KIAA0319L: variants seen among roughly 807,000 people sequenced by gnomAD.
The protein encoded by KIAA0319L is KIAA0319 like.
Under a neutral mutation model 120.1 loss-of-function variants are expected in KIAA0319L, and 55 were observed. That is an observed-to-expected ratio of 0.46 (90% CI 0.37 to 0.57). KIAA0319L has a LOEUF of 0.57. Ranked by LOEUF, KIAA0319L falls within the 20% of genes least tolerant of loss-of-function variation. The pLI, the probability that KIAA0319L is intolerant of heterozygous loss-of-function variation, is 0.00. For missense variants in KIAA0319L, 1,049 were observed against 1,255.3 expected, an observed-to-expected ratio of 0.84 and a Z score of 2.48; for synonymous variants, 398 against 471.9, an observed-to-expected ratio of 0.84 and a Z score of 2.03.
At chr1:35,540,234 T>C (rs1376040753) in intron 2 of KIAA0319L, among the ~76,000 whole-genome samples, 1 of 152,236 alleles carries the variant, frequency 6.6e-6, no homozygotes, top group Non-Finnish European at 1.5e-5. Flanking sequence ...GCGTCTGTGA[T>C]GGCTAACTCA....
At chr1:35,522,396 C>G (rs1246138012) in intron 2 of KIAA0319L, among the ~76,000 whole-genome samples, 2 of 152,104 alleles carry the variant, frequency 1.3e-5, no homozygotes, top group African/African-American at 4.8e-5. Context: ...TCTCCTGCCT[C>G]AGCCTCTTGA....
upstream of KIAA0319L, chr1:35,557,579 C>T: frequency 2.4e-6 from 1 of 421,220 alleles, no homozygotes; most frequent in Non-Finnish European, 4.8e-6. Context: ...CCCAGCCTCT[C>T]GCCGCCCGCT....
rs115055110 is a variant in KIAA0319L, at chr1:35,454,732, C to T, written c.1657-247G>A. 239 of 867,944 alleles carry T rather than the reference C, an allele frequency of 2.8e-4. 1 individual carries two copies. In the African/African-American group the frequency reaches 3.8e-3, roughly 14 times the overall value. The allele number at this position is 867,944 out of a possible 1,614,324, so 53.8% of individuals were successfully genotyped here. ...AGCAGTTTCAAATAAAGCCAGAACT[C>T]TCATAAGAGAGGGCAGTATTGGGAA... On this transcript the variant is annotated intron_variant, in intron 10 of 20. Coordinates refer to ENST00000325722, the MANE Select transcript of KIAA0319L (RefSeq NM_024874.5).
Position 35,453,880 on chromosome 1 carries a change from T to C in KIAA0319L, c.1781-191A>G, listed in dbSNP as rs938499456. On this transcript the variant is annotated intron_variant, in intron 11 of 20. Coordinates refer to ENST00000325722, the MANE Select transcript of KIAA0319L (RefSeq NM_024874.5). The surrounding 1 kb of genome is among the most constrained non-coding windows in gnomAD (Gnocchi z 4.1). ...TATAAGGCTGAAACATATCAAGCAA[T>C]TCTGACAGAAACATAGAACATAATG... 6.6e-6 allele frequency among the ~76,000 whole-genome samples: 1 copy of C among 152,196 alleles called. No individual in the cohort carries two copies. Among genetic ancestry groups the C allele is most frequent in the Admixed American group, 6.5e-5 (1 of 15,288 alleles).
chr1:35,450,360 CT>C lies in KIAA0319L; in HGVS notation c.2211del (p.Glu739ArgfsTer3). ...LWTRDEGSPA[A>X]GEVLNHSDHH... ...TCTCCAGCTCCTAGCACACTTACCCCTGCTGCTGGGCTCCCCTCATCTCGAG... is the reference window on the plus strand; with the variant it reads ...TCTCCAGCTCCTAGCACACTTACCCCGCTGCTGGGCTCCCCTCATCTCGAG... On this transcript the variant is annotated frameshift_variant, in exon 14 of 21. Coordinates refer to ENST00000325722, the MANE Select transcript of KIAA0319L (RefSeq NM_024874.5). LOFTEE classifies it high-confidence loss of function. The C allele has an allele frequency of 5.0e-6, 8 of 1,613,138 alleles. No individual in the cohort carries two copies. The highest frequency in any genetic ancestry group is 5.9e-6 in the Non-Finnish European group (7 of 1,179,528).
intron 2 of KIAA0319L, among the ~76,000 whole-genome samples, chr1:35,529,359 T>C (rs1343273380): frequency 2.0e-5 from 3 of 152,234 alleles, no homozygotes; most frequent in Non-Finnish European, 2.9e-5. Flanking sequence ...ATAAAATGAG[T>C]GAGTCCTTAC....
At chr1:35,444,476 GAAC>G (rs1641470142) in intron 16 of KIAA0319L, among the ~76,000 whole-genome samples, 173 bp from the exon 17 acceptor site, 1 of 152,184 alleles carries the variant, frequency 6.6e-6, no homozygotes, top group South Asian at 2.1e-4. Flanking sequence ...ATTTTACAGA[GAAC>G]AACACTGGGG....
chr1:35,542,708 G>A (rs1646838440), intron 2 of KIAA0319L, among the ~76,000 whole-genome samples: 1 of 152,160 alleles, frequency 6.6e-6, no homozygotes, highest in Non-Finnish European at 1.5e-5. Context: ...CATAGTTCTT[G>A]ACTATGTTCC....
intron 20 of KIAA0319L, chr1:35,435,745 G>C (rs1640735427): frequency 6.6e-6 from 1 of 152,458 alleles, no homozygotes; most frequent in South Asian, 2.1e-4. Context: ...GGTCGAAGAA[G>C]ACACCTGCGA....
intron 20 of KIAA0319L, chr1:35,440,820 C>G: frequency 1.8e-6 from 1 of 556,780 alleles, no homozygotes; most frequent in Admixed American, 3.0e-5. Context: ...AAACAACAGG[C>G]CCAGCACCCC....
At chr1:35,478,940 C>T (rs780778391) in intron 4 of KIAA0319L, 26 bp downstream of exon 4, 4 of 1,604,192 alleles carry the variant, frequency 2.5e-6, no homozygotes, top group Non-Finnish European at 3.4e-6. Context: ...CTTTTTCCTT[C>T]TATCTCCAAG....
At chr1:35,521,831 G>A (rs757163006) in intron 2 of KIAA0319L, among the ~76,000 whole-genome samples, 12 of 151,292 alleles carry the variant, frequency 7.9e-5, no homozygotes, top group Non-Finnish European at 1.8e-4. Context: ...AAATTAGCCG[G>A]TCATGGTGGC....
chr1:35,491,655 T>A (rs1570801706), intron 3 of KIAA0319L, among the ~76,000 whole-genome samples: 2 of 151,968 alleles, frequency 1.3e-5, no homozygotes, highest in East Asian at 3.9e-4. Flanking sequence ...CAGAAATCAA[T>A]AAAATAGAAA....
At chr1:35,494,423 C>T (rs1223833535) in intron 3 of KIAA0319L, among the ~76,000 whole-genome samples, 2 of 151,124 alleles carry the variant, frequency 1.3e-5, no homozygotes, top group Non-Finnish European at 1.5e-5. Context: ...CAGTCCAGCC[C>T]GGGCAACAGT....
rs1445075002 is a variant in KIAA0319L, at chr1:35,506,754, G to A, written c.524C>T (p.Ser175Phe). 6.2e-7 allele frequency: 1 copy of A among 1,614,098 alleles called. No homozygotes were observed. The highest frequency in any genetic ancestry group is 8.5e-7 in the Non-Finnish European group (1 of 1,180,034). The part of the protein sequence containing the change: ...PPRAALRPAV[S>F]SSDQQSLIRK... The stretch of plus-strand genomic sequence containing the variant: ...GATTAAGCTCTGCTGGTCACTGGAA[G>A]ATACAGCAGGTCTGAGTGCAGCTCT... The change falls in exon 3 of 21, where the codon TCT becomes TTT. Residue 175 changes from serine to phenylalanine, a missense_variant. Ser to Phe is a radical substitution (Grantham distance 155). Transcript: ENST00000325722. This position sits in a 1 kb window ranked among gnomAD's most constrained non-coding sequence, Gnocchi z 4.0.
chr1:35,454,180 G>T, intron 11 of KIAA0319L, 182 bp downstream of exon 11: 1 of 566,274 alleles, frequency 1.8e-6, no homozygotes, highest in Non-Finnish European at 3.1e-6. Flanking sequence ...AGGCTGGGAA[G>T]TATCCTTCAT....
At chr1:35,488,912 G>C (rs1302825807) in intron 3 of KIAA0319L, among the ~76,000 whole-genome samples, 1 of 152,190 alleles carries the variant, frequency 6.6e-6, no homozygotes, top group Non-Finnish European at 1.5e-5. Flanking sequence ...GAATAAAGAA[G>C]AGACAGCAAG....
intron 1 of KIAA0319L, 145 bp from the exon 2 acceptor site, chr1:35,554,664 T>G (rs1571064140): frequency 4.1e-6 from 2 of 487,788 alleles, no homozygotes; most frequent in East Asian, 6.5e-5. Flanking sequence ...CTATAAATTT[T>G]AAACCTGGGC....
chr1:35,557,653 C>A (rs1648331896), upstream of KIAA0319L: 2 of 457,020 alleles, frequency 4.4e-6, no homozygotes, highest in East Asian at 1.4e-4. Flanking sequence ...TCGGGCAATA[C>A]CCACAAGCAA....
Sources: gnomAD v4.1 joint callset for allele counts (sites outside exome capture counted in the v4.1 genomes callset) on GRCh38, gnomAD v4.1.1 for gene constraint, Gnocchi (gnomAD v3.1) non-coding constraint, MANE v1.5 for transcripts, NCBI Gene and HGNC (gene_info 2026-07-23, HGNC 2026-07-21) for gene names.